MIB2: variants seen among roughly 807,000 people sequenced by gnomAD.
MIB2 encodes the protein MIB E3 ubiquitin protein ligase 2.
A neutral mutation model predicts 96.6 loss-of-function variants in MIB2; 78 were observed. The observed-to-expected ratio is 0.81, with a 90% CI of 0.67 to 0.97. The LOEUF (loss-of-function observed/expected upper bound fraction) is 0.97, where lower values mean the gene tolerates loss of function less well. Among genes scored for constraint, MIB2 ranks in the 50% least tolerant of loss-of-function variants. MIB2 has a pLI of 0.00. For missense variants in MIB2, 1,543 were observed against 1,424.0 expected (o/e 1.08, Z -1.35); for synonymous variants, 820 against 629.5 (o/e 1.30, Z -4.53).
chr1:1,624,135 G>A (rs1226862125), intron 4 of MIB2, 190 bp downstream of exon 4: 1 of 664,638 alleles, frequency 1.5e-6, no homozygotes, highest in East Asian at 2.8e-5. Context: ...GGCTCTACAG[G>A]CAGCAGTGGC....
upstream of MIB2, chr1:1,615,143 A>G: frequency 2.7e-6 from 1 of 372,302 alleles, no homozygotes; most frequent in Non-Finnish European, 4.8e-6. Context: ...CCGGGGCGGG[A>G]GGACGGGCCC....
chr1:1,624,265 G>A (rs893503058), intron 4 of MIB2: 24 of 448,726 alleles, frequency 5.3e-5, no homozygotes, highest in African/African-American at 3.0e-4. Flanking sequence ...GCATCAGCTC[G>A]GGGAGAATCT....
rs865964707 is a variant in MIB2, at chr1:1,615,921, G to C, written c.-130+288G>C. The C allele has an allele frequency of 4.0e-6, 4 of 996,328 alleles. No individual in the cohort carries two copies. In the South Asian group the frequency reaches 1.4e-4, roughly 35 times the overall value. The allele number at this position is 996,328 out of a possible 1,614,324, so 61.7% of individuals were successfully genotyped here. On this transcript the variant is annotated intron_variant, in intron 1 of 19. Coordinates refer to ENST00000355826, the MANE Select transcript of MIB2 (RefSeq NM_001170687.4). ...GGGGTCGGCGCTGGGGTCGTCGTCC[G>C]GGCCGGGTGGGCTGCGGCGCGCGGC... is the stretch of plus-strand genomic sequence containing the variant.
At chr1:1,621,319 C>T (rs779929795) in intron 2 of MIB2, among the ~76,000 whole-genome samples, 15 of 152,234 alleles carry the variant, frequency 9.9e-5, no homozygotes, top group Non-Finnish European at 1.8e-4. Context: ...CTGTGGAAGC[C>T]GCTCATGCGG....
In MIB2 at chr1:1,625,709, T is replaced by G; in HGVS notation, c.972+56T>G. ...GCTTGCTTCTGTAACCCCTTCCACGTACCCCCTTGGCCTTGGGGGGTCAGG... is the reference window on the plus strand; with the variant it reads ...GCTTGCTTCTGTAACCCCTTCCACGGACCCCCTTGGCCTTGGGGGGTCAGG... On this transcript the variant is annotated intron_variant, in intron 8 of 19. Coordinates refer to ENST00000355826, the MANE Select transcript of MIB2 (RefSeq NM_001170687.4). The surrounding 1 kb of genome is among the most constrained non-coding windows in gnomAD (Gnocchi z 5.0). 1 of 1,429,496 alleles carries G rather than the reference T, an allele frequency of 7.0e-7. No individual in the cohort carries two copies. Among genetic ancestry groups the G allele is most frequent in the Non-Finnish European group, 9.6e-7 (1 of 1,041,440 alleles). The allele number at this position is 1,429,496 out of a possible 1,614,324, so 88.6% of individuals were successfully genotyped here.
chr1:1,629,606 G>A, intron 18 of MIB2, 33 bp from the exon 19 acceptor site: 4 of 1,569,950 alleles, frequency 2.5e-6, no homozygotes, highest in Non-Finnish European at 2.6e-6. Flanking sequence ...CCGGCTAGTA[G>A]GGCCGCAGCC....
chr1:1,630,294 G>A lies in MIB2; in HGVS notation c.2632G>A (p.Gly878Ser), dbSNP rs1403920807. ...CACACCCGTCCCCCACCCCGCAGAC[G>A]GCTCTGAGGTGGCGAGCGCCGCCCC... ...VVVSKKLRPD[G>S]SEVASAAPAP... The change falls in exon 20 of 20, where the codon GGC becomes AGC. Residue 878 changes from glycine to serine, a missense_variant and splice_region_variant. Transcript: ENST00000355826. The A allele has an allele frequency of 6.3e-6, 8 of 1,268,040 alleles. No individual in the cohort carries two copies. The Admixed American group carries it at 1.3e-4, about 20-fold the overall frequency. 78.5% of individuals were successfully genotyped at this position (1,268,040 alleles called of 1,614,324 possible). A position where few individuals can be genotyped will look rare whatever the true frequency, so the allele number is the denominator to read the frequency against.
In MIB2 at chr1:1,625,404, C is replaced by T. The variant is rs757224432; in HGVS notation, c.840C>T (p.Gly280=). The T allele has an allele frequency of 8.2e-6, 13 of 1,577,092 alleles. No homozygotes were observed. Among genetic ancestry groups the T allele is most frequent in the East Asian group, 4.7e-5 (2 of 42,450 alleles). Residue 280 remains glycine, a synonymous_variant, in exon 7 of 20, where the codon GGC becomes GGT. Coordinates refer to ENST00000355826, the MANE Select transcript of MIB2 (RefSeq NM_001170687.4). The surrounding 1 kb of genome is among the most constrained non-coding windows in gnomAD (Gnocchi z 5.0). ...DVLREMQEGH[G]GWNPRMAEFI... ...TGCGGGAGATGCAGGAAGGCCACGG[C>T]GGCTGGAACCCCAGGATGGCGGAGG...
At chr1:1,618,947 G>A (rs538656412) in intron 2 of MIB2, 3 of 152,630 alleles carry the variant, frequency 2.0e-5, no homozygotes, top group African/African-American at 7.2e-5. Flanking sequence ...TCGGAGGCAG[G>A]TACTGAGCCC....
chr1:1,626,596 C>G lies in MIB2; in HGVS notation c.973-54C>G, dbSNP rs1007657098. ...GCAGGTTGCCCTCCTGTTGCATGAG[C>G]CTGGGCAGCCACACACAGCTGGGGG... On this transcript the variant is annotated intron_variant, in intron 8 of 19. Transcript: ENST00000355826. This position sits in a 1 kb window ranked among gnomAD's most constrained non-coding sequence, Gnocchi z 5.3. The G allele has an allele frequency of 2.6e-5, 37 of 1,428,764 alleles. No individual in the cohort carries two copies. Among genetic ancestry groups the G allele is most frequent in the Non-Finnish European group, 3.3e-5 (35 of 1,072,300 alleles). The allele number at this position is 1,428,764 out of a possible 1,614,324, so 88.5% of individuals were successfully genotyped here.
In MIB2 at chr1:1,629,448, C is replaced by G. The variant is rs973654725; in HGVS notation, c.2445C>G (p.Thr815=). 7.8e-6 allele frequency: 12 copies of G among 1,530,024 alleles called. No homozygotes were observed. In the Admixed American group the frequency reaches 1.2e-4, roughly 15 times the overall value. 94.8% of individuals were successfully genotyped at this position (1,530,024 alleles called of 1,614,324 possible). A position where few individuals can be genotyped will look rare whatever the true frequency, so the allele number is the denominator to read the frequency against. ...GPRQTLGTPN[T]VTNLHVGAAP... Reference sequence around the variant, plus strand: ...GGCAAACGCTCGGGACCCCCAACACCGTGACGAACCTGCACGTGGGCGCCG... The same window carrying G: ...GGCAAACGCTCGGGACCCCCAACACGGTGACGAACCTGCACGTGGGCGCCG... Residue 815 remains threonine (T), a synonymous_variant, in exon 18 of 20, where the codon ACC becomes ACG. Transcript: ENST00000355826.
At chr1:1,614,048 A>G (rs1643396783), upstream of MIB2, 1 of 151,860 alleles carries the variant, frequency 6.6e-6, no homozygotes, top group Non-Finnish European at 1.5e-5. Flanking sequence ...ATATTAGGTA[A>G]TTATTAACTC....
Position 1,628,178 on chromosome 1 carries a change from C to T in MIB2, c.1840C>T (p.Leu614=). 6.2e-7 allele frequency: 1 copy of T among 1,613,206 alleles called. No homozygotes were observed. ...CCATGCCTCCCTCAAGGGTCACGCGCTGTGAGTGTGGGGTGGGCACACAGC... is the reference window on the plus strand; with the variant it reads ...CCATGCCTCCCTCAAGGGTCACGCGTTGTGAGTGTGGGGTGGGCACACAGC... ...LHHASLKGHA[L]AVRKILARAR... is the part of the protein sequence containing the mutation. The change falls in exon 14 of 20, where the codon CTA becomes TTA. Residue 614 remains leucine, a splice_region_variant and synonymous_variant. Coordinates refer to ENST00000355826, the MANE Select transcript of MIB2 (RefSeq NM_001170687.4).
chr1:1,628,806 C>T lies in MIB2; in HGVS notation c.2202+84C>T, dbSNP rs1478990618. 1.6e-6 allele frequency: 2 copies of T among 1,217,630 alleles called. 1 individual carries two copies. The highest frequency in any genetic ancestry group is 3.1e-5 in the South Asian group (2 of 63,830). 75.4% of individuals were successfully genotyped at this position (1,217,630 alleles called of 1,614,324 possible). The stretch of plus-strand genomic sequence containing the variant: ...GGGCAGGGCCTGTGCCACTGTCCAC[C>T]TTCCCCTCCAGTGATGGCCCAGGGA... On this transcript the variant is annotated intron_variant, in intron 16 of 19. Coordinates refer to ENST00000355826, the MANE Select transcript of MIB2 (RefSeq NM_001170687.4).
At chr1:1,617,374 A>G (rs1015567240) in intron 2 of MIB2, 4 of 152,264 alleles carry the variant, frequency 2.6e-5, no homozygotes, top group East Asian at 1.9e-4. Flanking sequence ...AATACTTGCA[A>G]TAAGGGAACT....
chr1:1,627,066 G>A lies in MIB2; in HGVS notation c.1241-8G>A, dbSNP rs1248980459. 5.6e-6 allele frequency: 9 copies of A among 1,600,470 alleles called. No individual in the cohort carries two copies. The highest frequency in any genetic ancestry group is 6.8e-6 in the Non-Finnish European group (8 of 1,174,042). ...CCTGGCCACCACTAACCTCAGCCCT[G>A]CCCCCAGGCTCACTGAGCGTGGCCC... On this transcript the variant is annotated splice_polypyrimidine_tract_variant and splice_region_variant and intron_variant, in intron 10 of 19. Coordinates refer to ENST00000355826, the MANE Select transcript of MIB2 (RefSeq NM_001170687.4).
In MIB2 at chr1:1,623,698, C is replaced by G. The variant is rs746110709; in HGVS notation, c.246C>G (p.Ile82Met). 1.3e-6 allele frequency: 2 copies of G among 1,514,816 alleles called. No individual in the cohort carries two copies. Among genetic ancestry groups the G allele is most frequent in the Admixed American group, 4.2e-5 (2 of 47,990 alleles). The allele number at this position is 1,514,816 out of a possible 1,614,324, so 93.8% of individuals were successfully genotyped here. ...TGCTGCTGTACGACAACGCCCAGAT[C>G]GGTGCGCGCCAAGGGCAGGCGGGAC... is the stretch of plus-strand genomic sequence containing the variant. ...HDLLLYDNAQ[I>M]GVRHPNIICD... The change falls in exon 3 of 20, where the codon ATC (isoleucine) becomes ATG (methionine). Residue 82 changes from isoleucine to methionine, a missense_variant and splice_region_variant. By Grantham distance (10) the Ile-to-Met change is conservative. Coordinates refer to ENST00000355826, the MANE Select transcript of MIB2 (RefSeq NM_001170687.4).
At chr1:1,615,455 T>TGGCCATGGCGGGGGCGC (rs1557541662), upstream of MIB2, 16 of 1,513,564 alleles carry the variant, frequency 1.1e-5, no homozygotes, top group Admixed American at 8.4e-5. Context: ...GGCGGGGGCG[T>TGGCCATGGCGGGGGCGC]GGCCATGGCG....
At chr1:1,628,458 C>T in intron 15 of MIB2, 31 bp from the exon 16 acceptor site, 1 of 1,597,344 alleles carries the variant, frequency 6.3e-7, no homozygotes, top group Non-Finnish European at 8.5e-7. Flanking sequence ...ACTGGGGTCC[C>T]TGGGCTGAGC....
Sources: gnomAD v4.1 joint callset for allele counts (sites outside exome capture counted in the v4.1 genomes callset) on GRCh38, gnomAD v4.1.1 for gene constraint, Gnocchi (gnomAD v3.1) non-coding constraint, MANE v1.5 for transcripts, NCBI Gene and HGNC (gene_info 2026-07-23, HGNC 2026-07-21) for gene names.